Variants in GPAT3 observed in about 807,000 individuals in gnomAD.
GPAT3 encodes 1-AGP acyltransferase 9.
A neutral mutation model predicts 58.8 loss-of-function variants in GPAT3; 53 were observed. The observed-to-expected ratio is 0.90, with a 90% CI of 0.72 to 1.13. The LOEUF is 1.13. GPAT3 is among the 50% of genes most tolerant of loss of function. GPAT3 has a pLI of 0.00. For missense variants in GPAT3, 511 were observed against 527.6 expected (o/e 0.97, Z 0.31); for synonymous variants, 197 against 187.4 (o/e 1.05, Z -0.42).
At chr4:83,549,599 C>T (rs1724675716) in intron 2 of GPAT3, among the ~76,000 whole-genome samples, 1 of 150,270 alleles carries the variant, frequency 6.7e-6, no homozygotes, top group Non-Finnish European at 1.5e-5. Context: ...GTGGGGCAAT[C>T]TTGGCTCACT....
intron 3 of GPAT3, among the ~76,000 whole-genome samples, chr4:83,583,302 A>G (rs1726233807): frequency 6.6e-6 from 1 of 151,902 alleles, no homozygotes; most frequent in East Asian, 1.9e-4. Context: ...CCAAAAAAAA[A>G]AGAAAGAAAG....
chr4:83,558,845 G>A (rs1725030329), intron 2 of GPAT3, among the ~76,000 whole-genome samples: 1 of 152,164 alleles, frequency 6.6e-6, no homozygotes, highest in African/African-American at 2.4e-5. Flanking sequence ...TAAGAGATCT[G>A]TGAATCTGTT....
At chr4:83,597,255 T>G (rs1726877455) in intron 8 of GPAT3, among the ~76,000 whole-genome samples, 175 bp from the exon 9 acceptor site, 1 of 152,208 alleles carries the variant, frequency 6.6e-6, no homozygotes, top group Non-Finnish European at 1.5e-5. Context: ...TTAAACCTGC[T>G]TAGTCAGAAC....
intron 2 of GPAT3, among the ~76,000 whole-genome samples, chr4:83,561,145 A>G (rs1725112294): frequency 6.6e-6 from 1 of 152,216 alleles, no homozygotes; most frequent in Admixed American, 6.5e-5. Flanking sequence ...AAACAGCACA[A>G]TGGGGGATGA....
rs1727206448 is a variant in GPAT3, at chr4:83,605,111, G to A, written c.*344G>A. 1 of 171,728 alleles carries A rather than the reference G, an allele frequency of 5.8e-6. No homozygotes were observed. The allele number at this position is 171,728 out of a possible 1,614,324, so 10.6% of individuals were successfully genotyped here. A position where few individuals can be genotyped will look rare whatever the true frequency, so the allele number is the denominator to read the frequency against. On this transcript the variant is annotated 3_prime_UTR_variant, in exon 12 of 12. Coordinates refer to ENST00000264409, the MANE Select transcript of GPAT3 (RefSeq NM_032717.5). ...ATCGATAGGGTAATTCTCCAAAAAT[G>A]CCCAAACTCTTTTTCTGTAATTAGC...
chr4:83,600,503 AATT>A (rs10677753), intron 11 of GPAT3, among the ~76,000 whole-genome samples: 1 of 150,324 alleles, frequency 6.7e-6, no homozygotes, highest in Non-Finnish European at 1.5e-5. Context: ...TGGGGGATTG[AATT>A]ATTATTATTA....
Position 83,597,470 on chromosome 4 carries a change from G to A in GPAT3, c.951G>A (p.Lys317=), listed in dbSNP as rs142007951. The change falls in exon 9 of 12, where the codon AAG becomes AAA. Residue 317 remains lysine (K), a synonymous_variant. Coordinates refer to ENST00000264409, the MANE Select transcript of GPAT3 (RefSeq NM_032717.5). The part of the protein sequence containing the change: ...INNTSVMMFK[K]GSFEIGGTIH... ...ATACTTCAGTCATGATGTTTAAAAA[G>A]GGGAGCTTTGAAATTGGAGGAACCA... The A allele has an allele frequency of 5.5e-4, 863 of 1,575,700 alleles. 2 individuals are homozygous for A. In the Middle Eastern group the frequency reaches 0.012, roughly 22 times the overall value.
In GPAT3 at chr4:83,584,718, C is replaced by T. The variant is rs564537685; in HGVS notation, c.480-2537C>T. 2.1e-4 allele frequency among the ~76,000 whole-genome samples: 32 copies of T among 152,306 alleles called. No homozygotes were observed. The East Asian group carries it at 5.0e-3, about 24-fold the overall frequency. The stretch of plus-strand genomic sequence containing the variant: ...ATGGGGTTTCACCATGTTGGCCAGG[C>T]TGGTCTCAAACTCCTGACCTGAAGT... On this transcript the variant is annotated intron_variant, in intron 3 of 11. Transcript: ENST00000264409.
chr4:83,580,629 A>G (rs1262229358), intron 2 of GPAT3, among the ~76,000 whole-genome samples: 1 of 152,196 alleles, frequency 6.6e-6, no homozygotes, highest in African/African-American at 2.4e-5. Flanking sequence ...ATTTCAAGTC[A>G]TTGAATAAAA....
intron 2 of GPAT3, among the ~76,000 whole-genome samples, chr4:83,573,518 G>A (rs1368351512): frequency 6.6e-6 from 1 of 152,164 alleles, no homozygotes; most frequent in Non-Finnish European, 1.5e-5. Flanking sequence ...GAATATTTCT[G>A]TTCTTTAATC....
intron 2 of GPAT3, among the ~76,000 whole-genome samples, chr4:83,575,619 T>G (rs552529311): frequency 5.3e-5 from 8 of 152,146 alleles, no homozygotes; most frequent in Admixed American, 4.6e-4. Context: ...TTTCACTGTG[T>G]TAGCCAGGAT....
At chr4:83,578,985 T>C (rs867140082) in intron 2 of GPAT3, among the ~76,000 whole-genome samples, 37 of 131,844 alleles carry the variant, frequency 2.8e-4, no homozygotes, top group Middle Eastern at 7.3e-3. Flanking sequence ...TCTTTCTTTC[T>C]TTCCTTCCTT....
intron 2 of GPAT3, among the ~76,000 whole-genome samples, chr4:83,564,219 C>G (rs1725295721): frequency 6.6e-6 from 1 of 152,130 alleles, no homozygotes; most frequent in Non-Finnish European, 1.5e-5. Flanking sequence ...GGATTTGTGC[C>G]AAACCAATAG....
At chr4:83,559,574 TC>T (rs1162629594) in intron 2 of GPAT3, among the ~76,000 whole-genome samples, 2 of 152,194 alleles carry the variant, frequency 1.3e-5, no homozygotes, top group Non-Finnish European at 2.9e-5. Flanking sequence ...TCTGCTTGCC[TC>T]GGCCCCCCAA....
chr4:83,559,921 C>T (rs1187123268), intron 2 of GPAT3, among the ~76,000 whole-genome samples: 12 of 152,088 alleles, frequency 7.9e-5, no homozygotes, highest in Admixed American at 7.9e-4. Flanking sequence ...GCCAATTGGA[C>T]TTGTGATTAG....
At chr4:83,545,261 C>A (rs147846178) in intron 2 of GPAT3, among the ~76,000 whole-genome samples, 1 of 151,920 alleles carries the variant, frequency 6.6e-6, no homozygotes, top group South Asian at 2.1e-4. Context: ...GGCAACATGG[C>A]GAAACCCTGT....
chr4:83,539,851 A>G (rs1272571560), intron 1 of GPAT3, among the ~76,000 whole-genome samples: 1 of 152,222 alleles, frequency 6.6e-6, no homozygotes, highest in Non-Finnish European at 1.5e-5. Flanking sequence ...TGTTTTAGGA[A>G]TACAAATTAT....
chr4:83,545,356 G>A (rs1461945445), intron 2 of GPAT3, among the ~76,000 whole-genome samples: 1 of 151,894 alleles, frequency 6.6e-6, no homozygotes, highest in East Asian at 1.9e-4. Flanking sequence ...TGAGGTGGGA[G>A]GATCACTTGA....
intron 2 of GPAT3, among the ~76,000 whole-genome samples, chr4:83,581,052 C>T (rs1262366167): frequency 2.8e-5 from 4 of 141,418 alleles, no homozygotes; most frequent in African/African-American, 1.1e-4. Context: ...GCTGAGATCA[C>T]GCCACTGCAC....
Sources: gnomAD v4.1 joint callset for allele counts (sites outside exome capture counted in the v4.1 genomes callset) on GRCh38, gnomAD v4.1.1 for gene constraint, MANE v1.5 for transcripts, NCBI Gene and HGNC (gene_info 2026-07-23, HGNC 2026-07-21) for gene names.